Variants in SGPL1 observed in about 807,000 individuals in gnomAD.
The protein encoded by SGPL1 is sphingosine-1-phosphate lyase 1.
Under a neutral mutation model 68.9 loss-of-function variants are expected in SGPL1, and 37 were observed. The ratio of observed to expected loss-of-function variants is 0.54; its 90% CI spans 0.41 to 0.71. The LOEUF (loss-of-function observed/expected upper bound fraction) is 0.71, where lower values mean the gene tolerates loss of function less well. Among genes scored for constraint, SGPL1 ranks in the 30% least tolerant of loss-of-function variants. The probability of loss-of-function intolerance (pLI) is 0.00; values close to 1 mark genes in which losing one functional copy is unlikely to be tolerated. For synonymous variants in SGPL1, 236 were observed against 248.5 expected (o/e 0.95, Z 0.47); for missense variants, 551 against 704.6 (o/e 0.78, Z 2.47).
intron 7 of SGPL1, among the ~76,000 whole-genome samples, chr10:70,863,918 C>T (rs1240339108): frequency 1.3e-5 from 2 of 152,214 alleles, no homozygotes; most frequent in Non-Finnish European, 2.9e-5. Context: ...ATCCTTTGCT[C>T]ATCTGTCAGT....
In SGPL1 at chr10:70,875,534, G is replaced by T; in HGVS notation, c.1431G>T (p.Leu477Phe). The change falls in exon 13 of 15, where the codon TTG (leucine) becomes TTT (phenylalanine). Residue 477 changes from leucine to phenylalanine, a missense_variant. Leu to Phe is a conservative substitution (Grantham distance 22). Coordinates refer to ENST00000373202, the MANE Select transcript of SGPL1 (RefSeq NM_003901.4). ...MTAKGWNLNQ[L>F]QFPPSIHFCI... ...CTAAGGGGTGGAACTTGAACCAGTTGCAGTTCCCACCCAGGTAAGCTTGAA... is the reference window on the plus strand; with the variant it reads ...CTAAGGGGTGGAACTTGAACCAGTTTCAGTTCCCACCCAGGTAAGCTTGAA... 1 of 1,609,772 alleles carries T rather than the reference G, an allele frequency of 6.2e-7. No homozygotes were observed. Among genetic ancestry groups the T allele is most frequent in the Non-Finnish European group, 8.5e-7 (1 of 1,177,884 alleles).
intron 3 of SGPL1, among the ~76,000 whole-genome samples, chr10:70,848,622 G>A (rs545546991): frequency 2.7e-3 from 412 of 151,950 alleles, no homozygotes; most frequent in African/African-American, 9.5e-3. Context: ...GTGCCATCAC[G>A]CCCAGCTAAT....
rs542947088 is a variant in SGPL1 at position 70,836,826 on chromosome 10, A to G, written c.28-7647A>G. Among the ~76,000 whole-genome samples the G allele has an allele frequency of 7.9e-5, 12 of 152,192 alleles. No individual in the cohort carries two copies. The South Asian group carries it at 1.2e-3, about 16-fold the overall frequency. ...AGGCTGGTCTTGAACTCCTGGCCTCAGGGGATCCTCCTGCCTTAGCCTCCC... is the reference window on the plus strand; with the variant it reads ...AGGCTGGTCTTGAACTCCTGGCCTCGGGGGATCCTCCTGCCTTAGCCTCCC... On this transcript the variant is annotated intron_variant, in intron 2 of 14. Transcript: ENST00000373202.
At chr10:70,870,957 C>G in intron 9 of SGPL1, 91 bp from the exon 10 acceptor site, 3 of 1,061,736 alleles carry the variant, frequency 2.8e-6, no homozygotes. Flanking sequence ...AACTGGAACT[C>G]TAAGCTAGCA....
intron 2 of SGPL1, among the ~76,000 whole-genome samples, chr10:70,820,657 C>G (rs1051492379): frequency 2.0e-5 from 3 of 151,900 alleles, no homozygotes; most frequent in Non-Finnish European, 4.4e-5. Flanking sequence ...CACTTGTATT[C>G]CCGGCTATTT....
intron 5 of SGPL1, among the ~76,000 whole-genome samples, chr10:70,855,780 A>G (rs1287703333): frequency 2.0e-5 from 3 of 152,216 alleles, no homozygotes; most frequent in Non-Finnish European, 2.9e-5. Context: ...AGATTTCCCT[A>G]TACCCAGCTT....
intron 3 of SGPL1, among the ~76,000 whole-genome samples, chr10:70,847,391 C>T (rs1300475092): frequency 6.6e-6 from 1 of 152,064 alleles, no homozygotes; most frequent in African/African-American, 2.4e-5. Flanking sequence ...TCAGGTGATC[C>T]GCCCACCTCA....
chr10:70,832,395 C>G (rs955665007), intron 2 of SGPL1, among the ~76,000 whole-genome samples: 1 of 152,152 alleles, frequency 6.6e-6, no homozygotes, highest in Non-Finnish European at 1.5e-5. Context: ...AGCAGCATGA[C>G]TGTTGTAGGG....
intron 7 of SGPL1, among the ~76,000 whole-genome samples, chr10:70,864,717 G>T (rs2131927112): frequency 6.6e-6 from 1 of 152,078 alleles, no homozygotes; most frequent in African/African-American, 2.4e-5. Flanking sequence ...CTTTTAGTTT[G>T]TTTGCATAGT....
intron 2 of SGPL1, among the ~76,000 whole-genome samples, chr10:70,827,188 T>C (rs1434099150): frequency 6.6e-6 from 1 of 152,216 alleles, no homozygotes; most frequent in African/African-American, 2.4e-5. Flanking sequence ...AAACCTGATA[T>C]TTATAAAGCT....
intron 2 of SGPL1, 100 bp from the exon 3 acceptor site, chr10:70,844,373 T>G: frequency 9.7e-7 from 1 of 1,030,504 alleles, no homozygotes; most frequent in East Asian, 2.6e-5. Flanking sequence ...AGATCCGGAA[T>G]GACCTTGCCC....
intron 3 of SGPL1, among the ~76,000 whole-genome samples, chr10:70,848,285 G>C (rs1845821663): frequency 6.6e-6 from 1 of 151,966 alleles, no homozygotes; most frequent in Non-Finnish European, 1.5e-5. Flanking sequence ...TTTGTAAACT[G>C]TTAAGAACCA....
intron 3 of SGPL1, among the ~76,000 whole-genome samples, chr10:70,848,547 C>T (rs1845828127): frequency 6.8e-6 from 1 of 147,802 alleles, no homozygotes; most frequent in African/African-American, 2.5e-5. Flanking sequence ...TCACTGCAAC[C>T]TCCGCCTCCT....
At chr10:70,862,398 C>T (rs1374692073) in intron 7 of SGPL1, among the ~76,000 whole-genome samples, 2 of 152,104 alleles carry the variant, frequency 1.3e-5, no homozygotes, top group Non-Finnish European at 2.9e-5. Flanking sequence ...CACCAATCAG[C>T]GCCCTGACAA....
chr10:70,823,790 TC>T (rs1001383909), intron 2 of SGPL1, among the ~76,000 whole-genome samples: 93 of 151,922 alleles, frequency 6.1e-4, no homozygotes, highest in African/African-American at 2.1e-3. Flanking sequence ...GCAAGATTCT[TC>T]TTTTTCCTTT....
At chr10:70,827,084 A>G (rs572223199) in intron 2 of SGPL1, among the ~76,000 whole-genome samples, 4 of 152,342 alleles carry the variant, frequency 2.6e-5, no homozygotes, top group East Asian at 3.9e-4. Flanking sequence ...ATACATGCCT[A>G]ACTTCACTAG....
chr10:70,875,961 C>T (rs1159865777), intron 13 of SGPL1, among the ~76,000 whole-genome samples: 2 of 152,242 alleles, frequency 1.3e-5, no homozygotes, highest in Non-Finnish European at 2.9e-5. Flanking sequence ...CTAACCTAAT[C>T]TTCCATGATG....
At chr10:70,839,827 C>T (rs1159316854) in intron 2 of SGPL1, among the ~76,000 whole-genome samples, 4 of 151,770 alleles carry the variant, frequency 2.6e-5, no homozygotes, top group Non-Finnish European at 5.9e-5. Context: ...TTTTGGCTGT[C>T]CTGGGCCACA....
intron 2 of SGPL1, among the ~76,000 whole-genome samples, chr10:70,838,607 T>G (rs1003664749): frequency 2.0e-5 from 3 of 152,108 alleles, no homozygotes; most frequent in African/African-American, 7.2e-5. Context: ...AACATTAGTG[T>G]TAGCTCCCTC....
Sources: gnomAD v4.1 joint callset for allele counts (sites outside exome capture counted in the v4.1 genomes callset) on GRCh38, gnomAD v4.1.1 for gene constraint, MANE v1.5 for transcripts, NCBI Gene and HGNC (gene_info 2026-07-23, HGNC 2026-07-21) for gene names.